Variants in CPSF2 observed in about 807,000 individuals in gnomAD.
CPSF2 encodes cleavage and polyadenylation specific factor 2, also known as cleavage and polyadenylation specificity factor subunit 2.
CPSF2 carries 51 observed loss-of-function variants against 84.2 expected under a neutral mutation model. The ratio of observed to expected loss-of-function variants is 0.61; its 90% CI spans 0.48 to 0.77. CPSF2 has a LOEUF of 0.77. Among genes scored for constraint, CPSF2 ranks in the 30% least tolerant of loss-of-function variants. The probability of loss-of-function intolerance (pLI) is 0.00; values close to 1 mark genes in which losing one functional copy is unlikely to be tolerated. For synonymous variants in CPSF2, 286 were observed against 311.9 expected, an observed-to-expected ratio of 0.92 and a Z score of 0.87; for missense variants, 641 against 929.4, an observed-to-expected ratio of 0.69 and a Z score of 4.03.
rs769999920 is a variant in CPSF2 at position 92,159,189 on chromosome 14, A to G, written c.2028A>G (p.Gln676=). The change falls in exon 14 of 16, where the codon CAA becomes CAG. Residue 676 remains glutamine (Q), a synonymous_variant. Transcript: ENST00000298875. Reference sequence around the variant, plus strand: ...CAGATTCTAGCGTTATAGCACAACAAAAGGCCATGAAAAGTCTGTTCGGAG... The same window carrying G: ...CAGATTCTAGCGTTATAGCACAACAGAAGGCCATGAAAAGTCTGTTCGGAG... ...APSDSSVIAQ[Q]KAMKSLFGDD... The G allele has an allele frequency of 1.9e-6, 3 of 1,613,964 alleles. No homozygotes were observed. Among genetic ancestry groups the G allele is most frequent in the Non-Finnish European group, 2.5e-6 (3 of 1,179,964 alleles).
rs781204876 is a variant in CPSF2, at chr14:92,161,756, T to G, written c.*12T>G. The G allele has an allele frequency of 1.4e-6, 2 of 1,399,078 alleles. No homozygotes were observed. Among genetic ancestry groups the G allele is most frequent in the Admixed American group, 4.3e-5 (2 of 46,906 alleles). The allele number at this position is 1,399,078 out of a possible 1,614,324, so 86.7% of individuals were successfully genotyped here. A position where few individuals can be genotyped will look rare whatever the true frequency, so the allele number is the denominator to read the frequency against. Reference sequence around the variant, plus strand: ...ATGCCATTGTATAAAGGACATGATGTCAAGAAGTATCTGCTTGACCTTTCT... The same window carrying G: ...ATGCCATTGTATAAAGGACATGATGGCAAGAAGTATCTGCTTGACCTTTCT... On this transcript the variant is annotated 3_prime_UTR_variant, in exon 16 of 16. Coordinates refer to ENST00000298875, the MANE Select transcript of CPSF2 (RefSeq NM_017437.3).
chr14:92,138,710 A>G (rs2069033694), intron 7 of CPSF2, among the ~76,000 whole-genome samples: 1 of 152,116 alleles, frequency 6.6e-6, no homozygotes, highest in African/African-American at 2.4e-5. Flanking sequence ...GATTACAGGC[A>G]TGAGCCACCA....
rs993548697 is a variant in CPSF2, at chr14:92,169,532, A to G, written c.*7788A>G. 3.9e-5 allele frequency: 6 copies of G among 152,194 alleles called. No individual in the cohort carries two copies. The highest frequency in any genetic ancestry group is 1.9e-4 in the East Asian group (1 of 5,200). The allele number at this position is 152,194 out of a possible 1,614,324, so 9.4% of individuals were successfully genotyped here. On this transcript the variant is annotated 3_prime_UTR_variant, in exon 16 of 16. Coordinates refer to ENST00000298875, the MANE Select transcript of CPSF2 (RefSeq NM_017437.3). ...TCCAACTTCACCCATAGGTCATGGT[A>G]TAGTTGAAATTTCATATTTAAATAT...
intron 9 of CPSF2, among the ~76,000 whole-genome samples, chr14:92,146,008 T>G (rs1359473503): frequency 1.3e-5 from 2 of 152,204 alleles, no homozygotes; most frequent in Non-Finnish European, 2.9e-5. Context: ...TTCTGTCTTA[T>G]CTCAGACAGC....
rs755776421 is a variant in CPSF2, at chr14:92,154,452, C to A, written c.1235C>A (p.Ser412Ter). The A allele has an allele frequency of 6.3e-7, 1 of 1,593,970 alleles. No individual in the cohort carries two copies. Among genetic ancestry groups the A allele is most frequent in the South Asian group, 1.1e-5 (1 of 87,456 alleles). ...GAAGCTGCCAAAAAGCTTGAGCAGT[C>A]AAAAGAGTGAGTCATTTTCAGACAG... ...KKEAAKKLEQSKEADIDSSDE... is the reference protein window; with the variant it reads ...KKEAAKKLEQ The change falls in exon 10 of 16, where the codon TCA becomes TAA. Residue 412 changes from serine (S) to a stop codon, truncating the protein, a stop_gained. Transcript: ENST00000298875. LOFTEE classifies it high-confidence loss of function.
chr14:92,150,201 A>G (rs2069195664), intron 9 of CPSF2, among the ~76,000 whole-genome samples: 1 of 145,268 alleles, frequency 6.9e-6, no homozygotes. Flanking sequence ...TGCAACCTCT[A>G]CTTCCCGGGT....
Position 92,172,014 on chromosome 14 carries a change from C to T in CPSF2, c.*10270C>T, listed in dbSNP as rs963020283. ...TTTCCTCCCTTTCCTCGATCCATGA[C>T]AGCACCTGCCAGTTGAACCCCACAG... On this transcript the variant is annotated 3_prime_UTR_variant, in exon 16 of 16. Coordinates refer to ENST00000298875, the MANE Select transcript of CPSF2 (RefSeq NM_017437.3). The T allele has an allele frequency of 2.0e-5, 3 of 152,196 alleles. No homozygotes were observed. Among genetic ancestry groups the T allele is most frequent in the African/African-American group, 7.2e-5 (3 of 41,434 alleles). 9.4% of individuals were successfully genotyped at this position (152,196 alleles called of 1,614,324 possible). A position where few individuals can be genotyped will look rare whatever the true frequency, so the allele number is the denominator to read the frequency against.
intron 9 of CPSF2, chr14:92,153,904 CATT>C (rs1006445118): frequency 2.8e-5 from 4 of 145,390 alleles, no homozygotes; most frequent in Admixed American, 7.0e-5. Flanking sequence ...GACAAAGTCT[CATT>C]ATGTTGCCCA....
At chr14:92,126,410 T>C (rs891528301) in intron 2 of CPSF2, among the ~76,000 whole-genome samples, 3 of 152,334 alleles carry the variant, frequency 2.0e-5, no homozygotes, top group African/African-American at 4.8e-5. Flanking sequence ...AATATAATTG[T>C]GGTACAGTAA....
At chr14:92,141,895 GATGT>G in intron 7 of CPSF2, among the ~76,000 whole-genome samples, 1 of 152,254 alleles carries the variant, frequency 6.6e-6, no homozygotes, top group East Asian at 1.9e-4. Context: ...TGTGTATTAT[GATGT>G]ATAAAGTGTT....
chr14:92,123,163 T>C (rs2068799227), intron 1 of CPSF2, among the ~76,000 whole-genome samples: 1 of 152,236 alleles, frequency 6.6e-6, no homozygotes, highest in African/African-American at 2.4e-5. Context: ...AATCTCGCTC[T>C]GTCGCCCAGG....
At position 92,165,502 on chromosome 14, in the gene CPSF2, T is replaced by A. The variant is rs1022845101; in HGVS notation, c.*3758T>A. 2.0e-5 allele frequency: 3 copies of A among 152,198 alleles called. No individual in the cohort carries two copies. The highest frequency in any genetic ancestry group is 7.2e-5 in the African/African-American group (3 of 41,472). 9.4% of individuals were successfully genotyped at this position (152,198 alleles called of 1,614,324 possible). A position where few individuals can be genotyped will look rare whatever the true frequency, so the allele number is the denominator to read the frequency against. On this transcript the variant is annotated 3_prime_UTR_variant, in exon 16 of 16. Transcript: ENST00000298875. ...GTGAAGAAGTGTCTCACTGAGGTTTTGATTTGCATTTCCTTAATGACTGAT... is the reference window on the plus strand; with the variant it reads ...GTGAAGAAGTGTCTCACTGAGGTTTAGATTTGCATTTCCTTAATGACTGAT...
intron 7 of CPSF2, 85 bp downstream of exon 7, chr14:92,138,432 G>A: frequency 1.0e-5 from 7 of 668,402 alleles, no homozygotes; most frequent in African/African-American, 1.9e-5. Context: ...AAAAGTACAG[G>A]TTTCTTTTTT....
rs2069396115 is a variant in CPSF2 at position 92,163,072 on chromosome 14, T to C, written c.*1328T>C. 6.6e-6 allele frequency: 1 copy of C among 152,104 alleles called. No homozygotes were observed. Among genetic ancestry groups the C allele is most frequent in the South Asian group, 2.1e-4 (1 of 4,826 alleles). 9.4% of individuals were successfully genotyped at this position (152,104 alleles called of 1,614,324 possible). ...GCACATGCCACTGCACCTGGCTAAT[T>C]TTTATATTTTTGGTAGAGACAGGGT... is the stretch of plus-strand genomic sequence containing the variant. On this transcript the variant is annotated 3_prime_UTR_variant, in exon 16 of 16. Transcript: ENST00000298875.
intron 9 of CPSF2, among the ~76,000 whole-genome samples, chr14:92,150,622 C>G (rs186269318): frequency 1.8e-4 from 27 of 152,182 alleles, no homozygotes; most frequent in Admixed American, 1.7e-3. Flanking sequence ...GAGACTGGGT[C>G]TTGCTACGCT....
At chr14:92,137,485 A>G (rs1595055258) in intron 6 of CPSF2, among the ~76,000 whole-genome samples, 2 of 152,312 alleles carry the variant, frequency 1.3e-5, no homozygotes, top group South Asian at 4.1e-4. Context: ...TTGGGATTAC[A>G]GGCATGAGCC....
chr14:92,155,770 TAA>T (rs33988625), intron 11 of CPSF2, among the ~76,000 whole-genome samples: 117 of 146,074 alleles, frequency 8.0e-4, no homozygotes, highest in African/African-American at 2.0e-3. Context: ...TCTCTATCTT[TAA>T]AAAAAAAAAA....
chr14:92,144,366 A>G (rs1354172769), intron 9 of CPSF2, among the ~76,000 whole-genome samples: 2 of 152,096 alleles, frequency 1.3e-5, no homozygotes, highest in African/African-American at 2.4e-5. Context: ...TCCTGTGGTC[A>G]TTGCCTGTAA....
At position 92,154,346 on chromosome 14, in the gene CPSF2, A is replaced by ATT; in HGVS notation, c.1141-4_1141-3dup. ...ATATTAACATTTCCTTTTGTCTTTT[A>ATT]TTTTTTTTTAGTTGAGGAAACGTGT... On this transcript the variant is annotated splice_polypyrimidine_tract_variant and intron_variant, in intron 9 of 15. Coordinates refer to ENST00000298875, the MANE Select transcript of CPSF2 (RefSeq NM_017437.3). 2 of 1,543,320 alleles carry ATT rather than the reference A, an allele frequency of 1.3e-6. No homozygotes were observed. The highest frequency in any genetic ancestry group is 1.8e-6 in the Non-Finnish European group (2 of 1,136,852).
Sources: gnomAD v4.1 joint callset for allele counts (sites outside exome capture counted in the v4.1 genomes callset) on GRCh38, gnomAD v4.1.1 for gene constraint, MANE v1.5 for transcripts, NCBI Gene and HGNC (gene_info 2026-07-23, HGNC 2026-07-21) for gene names.